WWP2: variants seen among roughly 807,000 people sequenced by gnomAD.
WWP2 encodes the protein WW domain containing E3 ubiquitin protein ligase 2, also known as NEDD4-like E3 ubiquitin-protein ligase WWP2.
A neutral mutation model predicts 121.0 loss-of-function variants in WWP2; 57 were observed. That is an observed-to-expected ratio of 0.47 (90% CI 0.38 to 0.59). The LOEUF is 0.59. Among genes scored for constraint, WWP2 ranks in the 20% least tolerant of loss-of-function variants. The probability of loss-of-function intolerance (pLI) is 0.00; values close to 1 mark genes in which losing one functional copy is unlikely to be tolerated. For synonymous variants in WWP2, 449 were observed against 441.3 expected (o/e 1.02, Z -0.22); for missense variants, 962 against 1,158.9 (o/e 0.83, Z 2.47).
intron 8 of WWP2, among the ~76,000 whole-genome samples, chr16:69,896,980 G>A (rs781308964): frequency 9.9e-5 from 15 of 151,946 alleles, no homozygotes; most frequent in Non-Finnish European, 2.2e-4. Context: ...AAATCCATTC[G>A]TTTTTATTGT....
chr16:69,910,964 A>G (rs1364376425), intron 9 of WWP2, among the ~76,000 whole-genome samples: 2 of 152,242 alleles, frequency 1.3e-5, no homozygotes, highest in African/African-American at 4.8e-5. Context: ...TTTTAGGTCA[A>G]GAACTTTGAG....
chr16:69,900,210 A>G (rs1027696807), intron 8 of WWP2, among the ~76,000 whole-genome samples: 1 of 152,250 alleles, frequency 6.6e-6, no homozygotes, highest in Non-Finnish European at 1.5e-5. Context: ...CGGTATTCAC[A>G]TAATAAAGGT....
chr16:69,775,313 A>T (rs2055501848), intron 1 of WWP2, among the ~76,000 whole-genome samples: 1 of 152,014 alleles, frequency 6.6e-6, no homozygotes, highest in Non-Finnish European at 1.5e-5. Flanking sequence ...AGGCTTTATG[A>T]CCTGCTTTAT....
rs1366727508 is a variant in WWP2, at chr16:69,939,024, C to T, written c.2344-3C>T. ...GACTGTGCCTTGACTTGCGGACTTC[C>T]AGGTGGTGAAGGAGATGGACAACGA... On this transcript the variant is annotated splice_region_variant and splice_polypyrimidine_tract_variant and intron_variant, in intron 21 of 23. Coordinates refer to ENST00000359154, the MANE Select transcript of WWP2 (RefSeq NM_001270454.2). The T allele has an allele frequency of 2.5e-6, 4 of 1,598,582 alleles. No homozygotes were observed. The highest frequency in any genetic ancestry group is 1.7e-6 in the Non-Finnish European group (2 of 1,171,750).
In WWP2 at chr16:69,931,819, C is replaced by A. The variant is rs1288356896; in HGVS notation, c.1611C>A (p.Pro537=). 2 of 1,613,772 alleles carry A rather than the reference C, an allele frequency of 1.2e-6. No individual in the cohort carries two copies. Among genetic ancestry groups the A allele is most frequent in the South Asian group, 2.2e-5 (2 of 91,068 alleles). The change falls in exon 16 of 24, where the codon CCC becomes CCA. Residue 537 remains proline, a synonymous_variant. Coordinates refer to ENST00000359154, the MANE Select transcript of WWP2 (RefSeq NM_001270454.2). The stretch of plus-strand genomic sequence containing the variant: ...CTTCCCAGATCATGAACATGAAACC[C>A]TATGACCTGCGCCGCCGGCTCTACA... ...DSFQQIMNMK[P]YDLRRRLYII...
chr16:69,933,170 A>G, intron 16 of WWP2: 1 of 493,764 alleles, frequency 2.0e-6, no homozygotes, highest in Non-Finnish European at 4.2e-6. Context: ...CGGACAGGAT[A>G]CCGGGGCACC....
At chr16:69,826,967 G>A (rs1334154732) in intron 4 of WWP2, among the ~76,000 whole-genome samples, 1 of 135,188 alleles carries the variant, frequency 7.4e-6, no homozygotes, top group Non-Finnish European at 1.6e-5. Context: ...GGGGGGGGCG[G>A]AGAGAATAAT....
chr16:69,879,992 A>G (rs1415873044), intron 7 of WWP2, among the ~76,000 whole-genome samples: 1 of 150,220 alleles, frequency 6.7e-6, no homozygotes, highest in African/African-American at 2.5e-5. Context: ...AAAATGAGAT[A>G]CTTTTTTTTT....
chr16:69,924,636 C>T (rs1163917872), intron 10 of WWP2, among the ~76,000 whole-genome samples: 1 of 151,910 alleles, frequency 6.6e-6, no homozygotes, highest in Non-Finnish European at 1.5e-5. Flanking sequence ...GCCCTGGAGC[C>T]AGTTCCCCCT....
At chr16:69,922,450 AC>A (rs929432331) in intron 10 of WWP2, among the ~76,000 whole-genome samples, 1 of 152,122 alleles carries the variant, frequency 6.6e-6, no homozygotes, top group Admixed American at 6.6e-5. Flanking sequence ...AGATCTCCCA[AC>A]CCAGGGACCA....
Position 69,785,099 on chromosome 16 carries a change from T to G in WWP2, c.-15-1897T>G, listed in dbSNP as rs548584279. ...AAAAATACAAAAATTAGCCAGGTGG[T>G]GCTGGTGCCTCTAATTCCAGCTACC... On this transcript the variant is annotated intron_variant, in intron 1 of 23. Transcript: ENST00000359154. Among the ~76,000 whole-genome samples, 39 of 151,856 alleles carry G rather than the reference T, an allele frequency of 2.6e-4. 1 individual carries two copies. The South Asian group carries it at 7.7e-3, about 30-fold the overall frequency.
chr16:69,769,429 A>G (rs1037092156), intron 1 of WWP2, among the ~76,000 whole-genome samples: 23 of 152,042 alleles, frequency 1.5e-4, no homozygotes, highest in Non-Finnish European at 3.1e-4. Flanking sequence ...TTGTGAACCC[A>G]TGGATTATAT....
intron 6 of WWP2, among the ~76,000 whole-genome samples, chr16:69,853,315 G>A (rs954180869): frequency 6.6e-6 from 1 of 152,222 alleles, no homozygotes; most frequent in African/African-American, 2.4e-5. Context: ...TCACAGGCTT[G>A]CAGCTCCAGT....
intron 6 of WWP2, among the ~76,000 whole-genome samples, chr16:69,853,777 T>G (rs2057261742): frequency 6.6e-6 from 1 of 151,816 alleles, no homozygotes. Context: ...TGAGACAAGG[T>G]GAAGGGTAAG....
intron 2 of WWP2, among the ~76,000 whole-genome samples, chr16:69,798,294 C>CA (rs1293434595): frequency 3.9e-5 from 6 of 152,120 alleles, no homozygotes; most frequent in African/African-American, 1.4e-4. Flanking sequence ...GTCTATTCGA[C>CA]AATGAAAGAA....
intron 8 of WWP2, among the ~76,000 whole-genome samples, chr16:69,906,687 C>A (rs1035049794): frequency 6.6e-6 from 1 of 152,032 alleles, no homozygotes; most frequent in African/African-American, 2.4e-5. Context: ...GAGTTCGAGA[C>A]CAGCCTGGGC....
rs1281935677 is a variant in WWP2, at chr16:69,936,550, T to C, written c.2117+98T>C. ...CCCCCACCTGTGGCCCATCGGTCAC[T>C]GTGGATGCCATTTGCATTTGCCTTG... is the stretch of plus-strand genomic sequence containing the variant. On this transcript the variant is annotated intron_variant, in intron 19 of 23. Coordinates refer to ENST00000359154, the MANE Select transcript of WWP2 (RefSeq NM_001270454.2). 1.6e-5 allele frequency: 25 copies of C among 1,527,800 alleles called. 1 individual carries two copies. The South Asian group carries it at 2.7e-4, about 17-fold the overall frequency. The allele number at this position is 1,527,800 out of a possible 1,614,324, so 94.6% of individuals were successfully genotyped here.
chr16:69,818,835 C>T (rs1408397726), intron 4 of WWP2, among the ~76,000 whole-genome samples: 1 of 151,990 alleles, frequency 6.6e-6, no homozygotes, highest in African/African-American at 2.4e-5. Context: ...TGTTAATTTA[C>T]CCCCCTTTCA....
chr16:69,806,958 A>G (rs1450690626), intron 4 of WWP2, among the ~76,000 whole-genome samples: 1 of 127,892 alleles, frequency 7.8e-6, no homozygotes, highest in Non-Finnish European at 1.7e-5. Context: ...TTATTTATTC[A>G]TTCATTCATT....
Sources: allele counts gnomAD v4.1 joint callset (sites outside exome capture counted in the v4.1 genomes callset), GRCh38; gene constraint gnomAD v4.1.1; transcripts MANE v1.5; gene names NCBI Gene and HGNC (gene_info 2026-07-23, HGNC 2026-07-21).